The following CEP112 variants were observed in gnomAD, a reference collection of about 807,000 sequenced individuals.
CEP112 encodes centrosomal protein 112.
A neutral mutation model predicts 153.0 loss-of-function variants in CEP112; 127 were observed. The ratio of observed to expected loss-of-function variants is 0.83; its 90% CI spans 0.72 to 0.96. The LOEUF is 0.96. CEP112 is among the 40% of genes least tolerant of loss of function. The probability of loss-of-function intolerance (pLI) is 0.00; values close to 1 mark genes in which losing one functional copy is unlikely to be tolerated. For missense variants in CEP112, 1,089 were observed against 1,101.2 expected, an observed-to-expected ratio of 0.99 and a Z score of 0.16; for synonymous variants, 358 against 374.4, an observed-to-expected ratio of 0.96 and a Z score of 0.51.
At chr17:65,772,624 C>T (rs1012846218) in intron 21 of CEP112, among the ~76,000 whole-genome samples, 1 of 147,596 alleles carries the variant, frequency 6.8e-6, no homozygotes, top group Non-Finnish European at 1.5e-5. Context: ...ACACAGACAG[C>T]CCCTTCTGAA....
At chr17:65,763,827 C>T (rs1387449007) in intron 21 of CEP112, among the ~76,000 whole-genome samples, 1 of 152,044 alleles carries the variant, frequency 6.6e-6, no homozygotes, top group African/African-American at 2.4e-5. Flanking sequence ...GATGCTTGCT[C>T]TGTCTCTTCA....
intron 21 of CEP112, among the ~76,000 whole-genome samples, chr17:65,791,498 C>G (rs1412661574): frequency 6.6e-6 from 1 of 152,160 alleles, no homozygotes; most frequent in African/African-American, 2.4e-5. Context: ...AGTATAAGGA[C>G]AGTAATTGAT....
chr17:65,897,826 A>G (rs763869284), intron 20 of CEP112, among the ~76,000 whole-genome samples: 1 of 152,116 alleles, frequency 6.6e-6, no homozygotes, highest in African/African-American at 2.4e-5. Flanking sequence ...ATGTTTTAAC[A>G]TATGGAAAAT....
At chr17:66,178,007 A>G (rs962186011) in intron 2 of CEP112, among the ~76,000 whole-genome samples, 1 of 152,216 alleles carries the variant, frequency 6.6e-6, no homozygotes, top group Admixed American at 6.5e-5. Context: ...TATTGTGAAC[A>G]GTGCTGCCAC....
At chr17:66,047,403 C>T (rs1461398327) in intron 12 of CEP112, among the ~76,000 whole-genome samples, 2 of 152,224 alleles carry the variant, frequency 1.3e-5, no homozygotes, top group Non-Finnish European at 2.9e-5. Context: ...AGGCGAAAGC[C>T]ACTGCACCCA....
intron 24 of CEP112, among the ~76,000 whole-genome samples, chr17:65,660,308 CTT>C (rs1324126306): frequency 8.6e-6 from 1 of 116,762 alleles, no homozygotes; most frequent in Admixed American, 9.3e-5. Flanking sequence ...TCTTTTCTCT[CTT>C]TCTTTCTTCC....
chr17:65,919,328 C>T (rs143133495), intron 19 of CEP112, among the ~76,000 whole-genome samples: 142 of 152,310 alleles, frequency 9.3e-4, no homozygotes, highest in African/African-American at 3.3e-3. Context: ...GAACCCCTGG[C>T]ACTTGCTCAC....
At chr17:66,038,650 A>G (rs996861756) in intron 12 of CEP112, among the ~76,000 whole-genome samples, 1 of 152,246 alleles carries the variant, frequency 6.6e-6, no homozygotes, top group Admixed American at 6.5e-5. Flanking sequence ...TCAGTGGTAT[A>G]TGACAACAGA....
chr17:65,838,923 T>C (rs2057417163), intron 21 of CEP112, among the ~76,000 whole-genome samples: 1 of 152,120 alleles, frequency 6.6e-6, no homozygotes. Flanking sequence ...GATAAACTTC[T>C]GGGCACATGC....
intron 20 of CEP112, among the ~76,000 whole-genome samples, chr17:65,869,579 CTT>C (rs55675305): frequency 0.1 from 12,431 of 120,286 alleles, 611 homozygotes; most frequent in South Asian, 0.14. Context: ...GATAAACTTT[CTT>C]TTTTTTTTTT....
intron 12 of CEP112, among the ~76,000 whole-genome samples, chr17:66,033,780 C>T (rs1487680320): frequency 6.6e-6 from 1 of 152,166 alleles, no homozygotes; most frequent in Non-Finnish European, 1.5e-5. Flanking sequence ...AAAGTATAAG[C>T]TTAAGACAGC....
rs1417142448 is a variant in CEP112, at chr17:65,961,494, G to C, written c.1841C>G (p.Ser614Ter). 1.2e-6 allele frequency: 2 copies of C among 1,611,398 alleles called. No homozygotes were observed. The highest frequency in any genetic ancestry group is 2.7e-5 in the African/African-American group (2 of 74,908). Residue 614 changes from serine to a stop codon, truncating the protein, a stop_gained, in exon 18 of 27, where the codon TCA (serine) becomes TGA (stop). Coordinates refer to ENST00000535342, the MANE Select transcript of CEP112 (RefSeq NM_001199165.4). LOFTEE classifies it high-confidence loss of function. The part of the protein sequence containing the change: ...EEFKRQVELN[S>*]EKVYAEMKEQ... ...TTTCATTTCAGCATAGACTTTCTCT[G>C]AGTTCAGTTCCACCTGCCGCTTAAA...
At chr17:65,836,851 C>T (rs1396848989) in intron 21 of CEP112, among the ~76,000 whole-genome samples, 1 of 151,208 alleles carries the variant, frequency 6.6e-6, no homozygotes, top group East Asian at 1.9e-4. Flanking sequence ...CTCTGATGCC[C>T]AGCCGAGGCT....
intron 17 of CEP112, among the ~76,000 whole-genome samples, chr17:65,974,412 C>T (rs998094927): frequency 2.6e-5 from 4 of 152,150 alleles, no homozygotes; most frequent in African/African-American, 7.2e-5. Flanking sequence ...CCAAGAGAAA[C>T]TTAAGTCAGT....
In CEP112 at chr17:65,827,865, C is replaced by T. The variant is rs77556519; in HGVS notation, c.2394+23939G>A. On this transcript the variant is annotated intron_variant, in intron 21 of 26. Transcript: ENST00000535342. ...CCTCCGAATATCAACATGCCTCACT[C>T]GACTCCTTCAAATTTGTTTGAATGT... 7.9e-3 allele frequency among the ~76,000 whole-genome samples: 1,207 copies of T among 152,290 alleles called. 10 individuals are homozygous for T. The highest frequency in any genetic ancestry group is 0.02 in the South Asian group (96 of 4,822).
At chr17:65,840,984 T>A (rs1031383528) in intron 21 of CEP112, among the ~76,000 whole-genome samples, 3 of 151,908 alleles carry the variant, frequency 2.0e-5, no homozygotes, top group African/African-American at 7.3e-5. Context: ...ACTGCTATTA[T>A]CAAAAAGACA....
chr17:65,640,154 A>ATATATATATTTTTT (rs1300751452), intron 25 of CEP112, among the ~76,000 whole-genome samples: 1 of 78,338 alleles, frequency 1.3e-5, no homozygotes, highest in African/African-American at 7.0e-5. Context: ...ATATATATAT[A>ATATATATATTTTTT]TTTTTTTTTT....
chr17:65,726,853 T>C (rs1314107257), intron 23 of CEP112, among the ~76,000 whole-genome samples: 1 of 152,204 alleles, frequency 6.6e-6, no homozygotes, highest in Non-Finnish European at 1.5e-5. Flanking sequence ...CAATCTTGCC[T>C]CATTTTCAAA....
At chr17:65,664,271 G>A (rs888653968) in intron 24 of CEP112, among the ~76,000 whole-genome samples, 1 of 152,166 alleles carries the variant, frequency 6.6e-6, no homozygotes, top group Admixed American at 6.5e-5. Context: ...ATGAGCCAAG[G>A]CGAAAATGAG....
Sources: gnomAD v4.1 joint callset for allele counts (sites outside exome capture counted in the v4.1 genomes callset) on GRCh38, gnomAD v4.1.1 for gene constraint, MANE v1.5 for transcripts, NCBI Gene and HGNC (gene_info 2026-07-23, HGNC 2026-07-21) for gene names.